Variants in IMMT observed in about 807,000 individuals in gnomAD.
IMMT encodes MICOS complex subunit MIC60.
A neutral mutation model predicts 92.7 loss-of-function variants in IMMT; 40 were observed. That is an observed-to-expected ratio of 0.43 (90% CI 0.34 to 0.56). The LOEUF (loss-of-function observed/expected upper bound fraction) is 0.56. Ranked by LOEUF, IMMT falls within the 20% of genes least tolerant of loss-of-function variation. IMMT has a pLI of 0.03. For synonymous variants in IMMT, 322 were observed against 336.1 expected (o/e 0.96, Z 0.46); for missense variants, 831 against 912.1 (o/e 0.91, Z 1.14).
rs1024216165 is a variant in IMMT, at chr2:86,144,172, T to C, written c.*96A>G. ...AACAGTACTTGTAAACCTGCTCATT[T>C]CTAGACAAGTCCGGGACTCTCGCTG... On this transcript the variant is annotated 3_prime_UTR_variant, in exon 15 of 15. Transcript: ENST00000410111. 10 of 1,364,256 alleles carry C rather than the reference T, an allele frequency of 7.3e-6. No individual in the cohort carries two copies. The highest frequency in any genetic ancestry group is 1.8e-4 in the Middle Eastern group (1 of 5,468). The allele number at this position is 1,364,256 out of a possible 1,614,324, so 84.5% of individuals were successfully genotyped here.
At chr2:86,169,097 G>T (rs964629385) in intron 6 of IMMT, among the ~76,000 whole-genome samples, 4 of 152,116 alleles carry the variant, frequency 2.6e-5, no homozygotes, top group African/African-American at 9.7e-5. Context: ...AGTTTGAGGG[G>T]GAATTAAGAG....
intron 6 of IMMT, 28 bp from the exon 7 acceptor site, chr2:86,166,672 A>T (rs1252697287): frequency 1.3e-6 from 2 of 1,569,812 alleles, no homozygotes; most frequent in Non-Finnish European, 1.7e-6. Flanking sequence ...ACAGTTAAAA[A>T]ACAAATCCTA....
At position 86,179,515 on chromosome 2, in the gene IMMT, T is replaced by G; in HGVS notation, c.227A>C (p.Glu76Ala). Residue 76 changes from glutamate to alanine, a missense_variant, in exon 3 of 15, where the codon GAG becomes GCG. Glu to Ala is a moderately radical substitution (Grantham distance 107). Coordinates refer to ENST00000410111, the MANE Select transcript of IMMT (RefSeq NM_006839.3). ...TTTGTCTGAGTAAGGTATGGTTTTC[T>G]CTACACTTTCCCGGAAATGGGAATC... Reference protein sequence around the residue: ...KWDSHFRESVEKTIPYSDKLF... With the variant: ...KWDSHFRESVAKTIPYSDKLF... 1 of 1,613,508 alleles carries G rather than the reference T, an allele frequency of 6.2e-7. No individual in the cohort carries two copies. The highest frequency in any genetic ancestry group is 1.1e-5 in the South Asian group (1 of 90,948).
intron 3 of IMMT, among the ~76,000 whole-genome samples, chr2:86,178,993 G>A (rs569190950): frequency 3.3e-5 from 5 of 152,266 alleles, no homozygotes; most frequent in Admixed American, 6.5e-5. Flanking sequence ...ACCCGGAGGC[G>A]GAGGTTGCGG....
intron 1 of IMMT, among the ~76,000 whole-genome samples, chr2:86,184,481 T>C (rs545977183): frequency 6.6e-6 from 1 of 152,190 alleles, no homozygotes; most frequent in Admixed American, 6.5e-5. Context: ...TATTAATACG[T>C]TTGTTATTGT....
rs1674852164 is a variant in IMMT, at chr2:86,144,597, C to T, written c.1948G>A (p.Glu650Lys). Residue 650 changes from glutamate (E) to lysine (K), a missense_variant, in exon 15 of 15, where the codon GAA becomes AAA. Transcript: ENST00000410111. ...KLARRVAMID[E>K]TRNSLYQYFL... The stretch of plus-strand genomic sequence containing the variant: ...TACTGGTACAAGCTATTTCTGGTTT[C>T]ATCAATCATTGCTACCCTTCGGGCC... 6.2e-7 allele frequency: 1 copy of T among 1,614,006 alleles called. No individual in the cohort carries two copies. The highest frequency in any genetic ancestry group is 8.5e-7 in the Non-Finnish European group (1 of 1,179,902).
intron 4 of IMMT, among the ~76,000 whole-genome samples, chr2:86,172,776 C>T (rs1455884550): frequency 6.6e-6 from 1 of 152,188 alleles, no homozygotes; most frequent in East Asian, 1.9e-4. Flanking sequence ...AGCCTCTACA[C>T]CAGCTAATCC....
At chr2:86,147,944 C>T in intron 12 of IMMT, 111 bp from the exon 13 acceptor site, 3 of 991,064 alleles carry the variant, frequency 3.0e-6, no homozygotes, top group Non-Finnish European at 4.5e-6. Flanking sequence ...ATCCTGAACG[C>T]CTCTAATGTG....
chr2:86,167,169 CTTCT>C lies in IMMT; in HGVS notation c.656-529_656-526del, dbSNP rs1301854584. Among the ~76,000 whole-genome samples, 529 of 142,414 alleles carry C rather than the reference CTTCT, an allele frequency of 3.7e-3. 2 individuals carry two copies. Among genetic ancestry groups the C allele is most frequent in the African/African-American group, 0.013 (480 of 37,524 alleles). 93.4% of individuals were successfully genotyped at this position (142,414 alleles called of 152,430 possible). A position where few individuals can be genotyped will look rare whatever the true frequency, so the allele number is the denominator to read the frequency against. On this transcript the variant is annotated intron_variant, in intron 6 of 14. Coordinates refer to ENST00000410111, the MANE Select transcript of IMMT (RefSeq NM_006839.3). ...GATAAATCTATGAAGCTTTATTACA[CTTCT>C]TTTTTTTTTTTTTTTTGAGACAGAG...
At chr2:86,175,834 C>A (rs572259508) in intron 3 of IMMT, among the ~76,000 whole-genome samples, 4 of 151,526 alleles carry the variant, frequency 2.6e-5, no homozygotes, top group African/African-American at 9.7e-5. Flanking sequence ...CATTAATAAG[C>A]GAAGGAAAGG....
intron 7 of IMMT, among the ~76,000 whole-genome samples, 199 bp downstream of exon 7, chr2:86,166,309 C>G (rs971194052): frequency 3.3e-5 from 5 of 152,102 alleles, no homozygotes; most frequent in African/African-American, 7.2e-5. Flanking sequence ...CCAGCCCGGG[C>G]GACAGAGCAA....
At chr2:86,165,961 G>T (rs562743163) in intron 7 of IMMT, among the ~76,000 whole-genome samples, 3 of 152,312 alleles carry the variant, frequency 2.0e-5, no homozygotes, top group African/African-American at 4.8e-5. Context: ...CATCGGTGTT[G>T]TAAGATATAG....
At position 86,144,392 on chromosome 2, in the gene IMMT, C is replaced by G; in HGVS notation, c.2153G>C (p.Arg718Thr). 6.8e-6 allele frequency: 11 copies of G among 1,614,018 alleles called. No individual in the cohort carries two copies. Among genetic ancestry groups the G allele is most frequent in the Non-Finnish European group, 9.3e-6 (11 of 1,179,898 alleles). ...KFVNQLKGESRRVAQDWLKEA... is the reference protein window; with the variant it reads ...KFVNQLKGESTRVAQDWLKEA... ...CTTCAGCCAGTCCTGTGCCACTCGT[C>G]TGGATTCCCCCTTCAGCTGATTGAC... Residue 718 changes from arginine to threonine, a missense_variant, in exon 15 of 15, where the codon AGA becomes ACA. Arg to Thr is a moderately conservative substitution (Grantham distance 71). Transcript: ENST00000410111.
Position 86,180,321 on chromosome 2 carries a change from G to A in IMMT, c.120-699C>T, listed in dbSNP as rs184711930. 5.9e-4 allele frequency among the ~76,000 whole-genome samples: 90 copies of A among 151,922 alleles called. 1 individual carries two copies. Among genetic ancestry groups the A allele is most frequent in the Middle Eastern group, 3.4e-3 (1 of 292 alleles). ...GCTCTTGTCCCTCAGGCTGGAGTGC[G>A]ATGGCACGATCTTGGCTCACTGCAA... On this transcript the variant is annotated intron_variant, in intron 2 of 14. Transcript: ENST00000410111.
chr2:86,157,518 G>A (rs1675932078), intron 10 of IMMT, among the ~76,000 whole-genome samples: 1 of 152,090 alleles, frequency 6.6e-6, no homozygotes, highest in African/African-American at 2.4e-5. Flanking sequence ...AGGTGTGGTG[G>A]CTCACACCTG....
chr2:86,171,955 G>GT (rs1677119133), intron 4 of IMMT, among the ~76,000 whole-genome samples: 1 of 93,450 alleles, frequency 1.1e-5, no homozygotes, highest in Non-Finnish European at 2.3e-5. Context: ...TGTGTGTGTA[G>GT]TATATTTTTT....
intron 5 of IMMT, 73 bp downstream of exon 5, chr2:86,171,135 G>T: frequency 7.7e-7 from 1 of 1,295,532 alleles, no homozygotes; most frequent in South Asian, 1.4e-5. Context: ...TAGTGTCTAC[G>T]TGTTGCCTAG....
intron 11 of IMMT, among the ~76,000 whole-genome samples, chr2:86,152,444 A>C (rs1438337885): frequency 6.6e-6 from 1 of 150,626 alleles, no homozygotes; most frequent in Non-Finnish European, 1.5e-5. Flanking sequence ...CCATCTCAAA[A>C]AAAAAAAAAA....
At chr2:86,162,121 A>G in intron 7 of IMMT, 42 bp from the exon 8 acceptor site, 2 of 1,257,610 alleles carry the variant, frequency 1.6e-6, no homozygotes, top group Non-Finnish European at 2.2e-6. Context: ...AACTGCTATT[A>G]TTGTCATATG....
Sources: gnomAD v4.1 joint callset for allele counts (sites outside exome capture counted in the v4.1 genomes callset) on GRCh38, gnomAD v4.1.1 for gene constraint, MANE v1.5 for transcripts, NCBI Gene and HGNC (gene_info 2026-07-23, HGNC 2026-07-21) for gene names.